Variants in AK5 observed in about 807,000 individuals in gnomAD.
AK5 encodes adenylate kinase 5, also known as adenylate kinase isoenzyme 5.
In AK5, 27 loss-of-function variants were observed where a neutral mutation model predicts 69.5. That is an observed-to-expected ratio of 0.39 (90% confidence interval 0.29 to 0.54). AK5 has a LOEUF of 0.54. Ranked by LOEUF, AK5 falls within the 20% of genes least tolerant of loss-of-function variation. The pLI, the probability that AK5 is intolerant of heterozygous loss-of-function variation, is 0.71. For synonymous variants in AK5, 260 were observed against 244.4 expected, an observed-to-expected ratio of 1.06 and a Z score of -0.60; for missense variants, 531 against 700.4, an observed-to-expected ratio of 0.76 and a Z score of 2.73.
chr1:77,299,906 CT>C (rs1336388102), intron 5 of AK5, among the ~76,000 whole-genome samples: 1 of 151,992 alleles, frequency 6.6e-6, no homozygotes, highest in Admixed American at 6.6e-5. Context: ...TGAATTATAA[CT>C]CAGGAAGAGT....
chr1:77,388,123 C>G (rs1648149336), intron 6 of AK5, among the ~76,000 whole-genome samples: 3 of 152,178 alleles, frequency 2.0e-5, no homozygotes, highest in Admixed American at 2.0e-4. Context: ...CATTGTCATG[C>G]ACATATATAA....
intron 6 of AK5, among the ~76,000 whole-genome samples, chr1:77,392,804 T>G (rs1419641874): frequency 2.0e-5 from 3 of 152,148 alleles, no homozygotes. Flanking sequence ...AAATCTATTC[T>G]GCAATCTAGT....
At chr1:77,541,432 C>T (rs762511307) in intron 13 of AK5, among the ~76,000 whole-genome samples, 15 of 152,114 alleles carry the variant, frequency 9.9e-5, no homozygotes, top group Non-Finnish European at 1.8e-4. Context: ...AAAAAAGAAA[C>T]AAAGAAAATG....
chr1:77,330,076 G>A (rs961121980), intron 5 of AK5, among the ~76,000 whole-genome samples: 3 of 152,192 alleles, frequency 2.0e-5, no homozygotes, highest in African/African-American at 7.2e-5. Flanking sequence ...AATTGTAGCA[G>A]AGTGAAAAGT....
intron 8 of AK5, among the ~76,000 whole-genome samples, chr1:77,448,569 G>A (rs940179608): frequency 1.2e-4 from 18 of 152,196 alleles, no homozygotes; most frequent in African/African-American, 4.1e-4. Context: ...GCTTAATAAA[G>A]CACCTCTTTG....
At position 77,536,061 on chromosome 1, in the gene AK5, C is replaced by T. The variant is rs376608451; in HGVS notation, c.1620+23C>T. On this transcript the variant is annotated intron_variant, in intron 13 of 13. Coordinates refer to ENST00000354567, the MANE Select transcript of AK5 (RefSeq NM_174858.3). ...AAGGCGAGTCACTTCACTTTCTCCT[C>T]TGAAATGAGCCGCTTACCTTTTTTT... is the stretch of plus-strand genomic sequence containing the variant. 5.7e-6 allele frequency: 9 copies of T among 1,569,228 alleles called. No homozygotes were observed. In the African/African-American group the frequency reaches 1.3e-4, roughly 22 times the overall value.
intron 6 of AK5, among the ~76,000 whole-genome samples, chr1:77,397,589 G>A (rs553936849): frequency 6.6e-6 from 1 of 152,258 alleles, no homozygotes; most frequent in South Asian, 2.1e-4. Flanking sequence ...CATTAAATGT[G>A]TGTATTAACT....
intron 8 of AK5, among the ~76,000 whole-genome samples, chr1:77,454,736 C>G (rs970631392): frequency 1.2e-4 from 19 of 152,124 alleles, no homozygotes; most frequent in African/African-American, 4.3e-4. Context: ...TTTCATCTCG[C>G]ACACAAATAA....
In AK5 at chr1:77,441,858, G is replaced by A. The variant is rs1395087763; in HGVS notation, c.1059+24143G>A. ...AAACCTATTGTGACACTTGGGTATT[G>A]GGGTGCAGATTTGCTCTCTGTGGCA... On this transcript the variant is annotated intron_variant, in intron 8 of 13. Transcript: ENST00000354567. Among the ~76,000 whole-genome samples the A allele has an allele frequency of 2.6e-5, 4 of 152,240 alleles. 1 individual carries two copies. Among genetic ancestry groups the A allele is most frequent in the African/African-American group, 9.6e-5 (4 of 41,550 alleles).
Position 77,472,783 on chromosome 1 carries a change from A to AGGAGGCTGAGG in AK5, c.1060-10534_1060-10533insGGAGGCTGAGG, listed in dbSNP as rs1259917640. ...CACACACCTGTGGTCCCAGCTACTG[A>AGGAGGCTGAGG]TGAGGCAATTCTTCTGGAGGCTCTA... is the stretch of plus-strand genomic sequence containing the variant. On this transcript the variant is annotated intron_variant, in intron 8 of 13. Transcript: ENST00000354567. Among the ~76,000 whole-genome samples the AGGAGGCTGAGG allele has an allele frequency of 2.1e-4, 32 of 150,394 alleles. 1 individual carries two copies. Among genetic ancestry groups the AGGAGGCTGAGG allele is most frequent in the Admixed American group, 4.6e-4 (7 of 15,064 alleles).
chr1:77,551,852 C>T (rs1330272509), intron 13 of AK5, among the ~76,000 whole-genome samples: 1 of 152,066 alleles, frequency 6.6e-6, no homozygotes, highest in Non-Finnish European at 1.5e-5. Flanking sequence ...TTTTGTTTAC[C>T]TTTTTTGTTT....
At chr1:77,295,753 A>G (rs866968822) in intron 3 of AK5, among the ~76,000 whole-genome samples, 1 of 152,214 alleles carries the variant, frequency 6.6e-6, no homozygotes, top group Non-Finnish European at 1.5e-5. Context: ...TCGATTGTTC[A>G]TGAAAATGGT....
chr1:77,364,334 G>T (rs895155528), intron 6 of AK5, among the ~76,000 whole-genome samples: 1 of 151,996 alleles, frequency 6.6e-6, no homozygotes, highest in African/African-American at 2.4e-5. Flanking sequence ...AGGGTAATTG[G>T]GTTTTCTGTC....
intron 13 of AK5, among the ~76,000 whole-genome samples, chr1:77,554,181 C>T (rs367565482): frequency 2.6e-5 from 4 of 152,192 alleles, no homozygotes; most frequent in African/African-American, 9.7e-5. Flanking sequence ...CCCCATGCAG[C>T]ATTTGCTCTG....
At chr1:77,343,591 C>T (rs1661767982) in intron 6 of AK5, among the ~76,000 whole-genome samples, 1 of 152,156 alleles carries the variant, frequency 6.6e-6, no homozygotes, top group South Asian at 2.1e-4. Context: ...ATTCCAGCTG[C>T]ACCACCTACC....
intron 13 of AK5, among the ~76,000 whole-genome samples, chr1:77,552,047 G>A (rs945922466): frequency 1.3e-5 from 2 of 152,096 alleles, no homozygotes; most frequent in African/African-American, 4.8e-5. Flanking sequence ...TTTTAGCAAA[G>A]AACTCTGCTA....
chr1:77,436,030 C>G (rs1483037245), intron 8 of AK5, among the ~76,000 whole-genome samples: 2 of 152,102 alleles, frequency 1.3e-5, no homozygotes, highest in Non-Finnish European at 2.9e-5. Flanking sequence ...AACAAGTCAC[C>G]TTAGGATAAA....
chr1:77,480,630 A>G (rs939802392), intron 8 of AK5, among the ~76,000 whole-genome samples: 10 of 152,214 alleles, frequency 6.6e-5, no homozygotes, highest in South Asian at 2.1e-4. Context: ...AGAGGACTCC[A>G]TGGTTTCCTC....
intron 6 of AK5, among the ~76,000 whole-genome samples, chr1:77,401,363 C>A (rs987922998): frequency 6.6e-6 from 1 of 152,150 alleles, no homozygotes; most frequent in Non-Finnish European, 1.5e-5. Context: ...CAGTAACAAA[C>A]AAGAAATGCC....
Sources: allele counts gnomAD v4.1 joint callset (sites outside exome capture counted in the v4.1 genomes callset), GRCh38; gene constraint gnomAD v4.1.1; transcripts MANE v1.5; gene names NCBI Gene and HGNC (gene_info 2026-07-23, HGNC 2026-07-21).